Variants in BCAS3 observed in about 807,000 individuals in gnomAD.
The protein encoded by BCAS3 is BCAS4/BCAS3 fusion.
Under a neutral mutation model 116.1 loss-of-function variants are expected in BCAS3, and 53 were observed. That is an observed-to-expected ratio of 0.46 (90% CI 0.37 to 0.57). BCAS3 has a LOEUF of 0.57. Ranked by LOEUF, BCAS3 falls within the 20% of genes least tolerant of loss-of-function variation. The pLI is 0.00. For synonymous variants in BCAS3, 391 were observed against 408.2 expected (o/e 0.96, Z 0.51); for missense variants, 917 against 1,165.4 (o/e 0.79, Z 3.10).
chr17:60,821,328 TCATA>T (rs113139051), intron 7 of BCAS3, among the ~76,000 whole-genome samples: 40,192 of 151,628 alleles, frequency 0.27, 8,462 homozygotes, highest in African/African-American at 0.59. Context: ...GTGTGTGAGG[TCATA>T]CATACATACA....
rs561109053 is a variant in BCAS3, at chr17:60,912,147, A to T, written c.993+1445A>T. On this transcript the variant is annotated intron_variant, in intron 12 of 23. Coordinates refer to ENST00000407086, the MANE Select transcript of BCAS3 (RefSeq NM_017679.5). ...AATATACGTTTCTTAAAGGAAGGTA[A>T]TTTTTTTATTCTGATAGTGTGTGAT... is the stretch of plus-strand genomic sequence containing the variant. Among the ~76,000 whole-genome samples, 8 of 152,174 alleles carry T rather than the reference A, an allele frequency of 5.3e-5. No individual in the cohort carries two copies. The East Asian group carries it at 1.2e-3, about 22-fold the overall frequency.
At chr17:60,913,548 A>G (rs2058628258) in intron 12 of BCAS3, among the ~76,000 whole-genome samples, 1 of 152,068 alleles carries the variant, frequency 6.6e-6, no homozygotes, top group South Asian at 2.1e-4. Context: ...ATTATGCTGG[A>G]TTGTATTAAA....
chr17:61,280,998 A>G (rs1048233648), intron 22 of BCAS3, among the ~76,000 whole-genome samples: 10 of 152,190 alleles, frequency 6.6e-5, no homozygotes, highest in African/African-American at 2.4e-4. Flanking sequence ...ATGGTATAAA[A>G]AGAGACCTAC....
At chr17:61,291,213 C>A (rs1034558628) in intron 22 of BCAS3, among the ~76,000 whole-genome samples, 12 of 152,082 alleles carry the variant, frequency 7.9e-5, no homozygotes, top group African/African-American at 2.7e-4. Flanking sequence ...GTGATTTAAA[C>A]AAACAAACAA....
In BCAS3 at chr17:61,171,955, G is replaced by A. The variant is rs1233820841; in HGVS notation, c.2425+87391G>A. 6.6e-6 allele frequency among the ~76,000 whole-genome samples: 1 copy of A among 152,082 alleles called. No individual in the cohort carries two copies. Among genetic ancestry groups the A allele is most frequent in the African/African-American group, 2.4e-5 (1 of 41,410 alleles). On this transcript the variant is annotated intron_variant, in intron 22 of 23. Coordinates refer to ENST00000407086, the MANE Select transcript of BCAS3 (RefSeq NM_017679.5). This position sits in a 1 kb window ranked among gnomAD's most constrained non-coding sequence, Gnocchi z 4.1. ...GCAAACAGGAAGCTTTAAAAAGCAG[G>A]AATGGCTATATTAATAGACAAAGTA...
intron 10 of BCAS3, among the ~76,000 whole-genome samples, chr17:60,900,420 TCTTA>T (rs1264575228): frequency 2.0e-5 from 3 of 152,084 alleles, no homozygotes; most frequent in African/African-American, 4.8e-5. Flanking sequence ...GCTGGAATTC[TCTTA>T]CTTACCCTTG....
chr17:61,115,144 A>T (rs567436846), intron 22 of BCAS3, among the ~76,000 whole-genome samples: 2,878 of 151,902 alleles, frequency 0.019, 89 homozygotes, highest in African/African-American at 0.065. Flanking sequence ...ACCCTAGAAG[A>T]AAACCTAGGC....
At chr17:60,805,305 T>A (rs1474856411) in intron 6 of BCAS3, among the ~76,000 whole-genome samples, 1 of 152,130 alleles carries the variant, frequency 6.6e-6, no homozygotes, top group East Asian at 1.9e-4. Flanking sequence ...TTCCTAGATA[T>A]CATATCAGTT....
At chr17:61,030,268 A>C (rs2066537987) in intron 16 of BCAS3, among the ~76,000 whole-genome samples, 1 of 152,062 alleles carries the variant, frequency 6.6e-6, no homozygotes. Flanking sequence ...CACAGAAGGC[A>C]CTGGAGCACA....
At chr17:60,886,430 C>A (rs2056643764) in intron 9 of BCAS3, 1 of 152,126 alleles carries the variant, frequency 6.6e-6, no homozygotes. Flanking sequence ...CGTCTGAAGC[C>A]TTCTTCTCTC....
intron 22 of BCAS3, among the ~76,000 whole-genome samples, chr17:61,297,634 G>T (rs1173731281): frequency 6.6e-6 from 1 of 152,166 alleles, no homozygotes; most frequent in Non-Finnish European, 1.5e-5. Context: ...AAGCCCAGGT[G>T]TTCTTGTTGA....
At chr17:60,969,614 A>G (rs2061844783) in intron 14 of BCAS3, among the ~76,000 whole-genome samples, 1 of 152,180 alleles carries the variant, frequency 6.6e-6, no homozygotes, top group African/African-American at 2.4e-5. Context: ...AAGGGAGGAA[A>G]AAAAATCTAA....
intron 22 of BCAS3, among the ~76,000 whole-genome samples, chr17:61,358,938 A>C (rs928341686): frequency 3.3e-5 from 5 of 152,144 alleles, no homozygotes; most frequent in Non-Finnish European, 7.4e-5. Flanking sequence ...GGGAGCTAAA[A>C]AGTTCTATCC....
chr17:60,816,635 T>A (rs1374861168), intron 7 of BCAS3, among the ~76,000 whole-genome samples: 2 of 152,168 alleles, frequency 1.3e-5, no homozygotes, highest in African/African-American at 2.4e-5. Context: ...CTATGGAAAG[T>A]GTCAGTCAAA....
At chr17:61,212,847 T>G (rs1047460525) in intron 22 of BCAS3, among the ~76,000 whole-genome samples, 1 of 152,208 alleles carries the variant, frequency 6.6e-6, no homozygotes, top group African/African-American at 2.4e-5. Flanking sequence ...ATTCTTAGAC[T>G]ATAGCATTTG....
rs1356854266 is a variant in BCAS3 at position 61,355,754 on chromosome 17, T to C, written c.2426-12573T>C. On this transcript the variant is annotated intron_variant, in intron 22 of 23. Transcript: ENST00000407086. The surrounding 1 kb of genome is among the most constrained non-coding windows in gnomAD (Gnocchi z 4.2). ...ATGTTAGTTATCTTACCTTTCCTGA[T>C]ACCTGACCACAGACTAATTATTTGG... Among the ~76,000 whole-genome samples the C allele has an allele frequency of 6.6e-6, 1 of 152,240 alleles. No homozygotes were observed. The highest frequency in any genetic ancestry group is 1.5e-5 in the Non-Finnish European group (1 of 68,038).
At chr17:60,811,067 G>T (rs2048767807) in intron 7 of BCAS3, 9 of 632,700 alleles carry the variant, frequency 1.4e-5, no homozygotes, top group South Asian at 1.4e-4. Flanking sequence ...GAGCTGAGAC[G>T]TACAGTCCAG....
At chr17:60,904,519 C>T (rs2058085964) in intron 11 of BCAS3, among the ~76,000 whole-genome samples, 2 of 151,998 alleles carry the variant, frequency 1.3e-5, no homozygotes, top group Admixed American at 1.3e-4. Context: ...ACATTTAAGA[C>T]TATGAAATTA....
intron 13 of BCAS3, among the ~76,000 whole-genome samples, chr17:60,942,260 C>G (rs2060261259): frequency 6.6e-6 from 1 of 152,072 alleles, no homozygotes; most frequent in Non-Finnish European, 1.5e-5. Context: ...AACCCCCTCT[C>G]TATCAAAATA....
Sources: allele counts gnomAD v4.1 joint callset (sites outside exome capture counted in the v4.1 genomes callset), GRCh38; gene constraint gnomAD v4.1.1; non-coding constraint Gnocchi (gnomAD v3.1); transcripts MANE v1.5; gene names NCBI Gene and HGNC (gene_info 2026-07-23, HGNC 2026-07-21).